The following DSCAML1 variants were observed in gnomAD, a reference collection of about 807,000 sequenced individuals.
DSCAML1 encodes the protein cell adhesion molecule DSCAML1.
In DSCAML1, 38 loss-of-function variants were observed where a neutral mutation model predicts 200.5. The ratio of observed to expected loss-of-function variants is 0.19; its 90% confidence interval spans 0.15 to 0.25. The LOEUF is 0.25. DSCAML1 is among the 10% of genes least tolerant of loss of function. The pLI is 1.00. For synonymous variants in DSCAML1, 1,215 were observed against 1,165.0 expected, an observed-to-expected ratio of 1.04 and a Z score of -0.87; for missense variants, 2,223 against 2,858.8, an observed-to-expected ratio of 0.78 and a Z score of 5.07.
At chr11:117,570,292 C>T (rs1206976228) in intron 3 of DSCAML1, among the ~76,000 whole-genome samples, 1 of 152,100 alleles carries the variant, frequency 6.6e-6, no homozygotes, top group African/African-American at 2.4e-5. Context: ...TTCCTCAATA[C>T]CTTTCCAAGG....
intron 32 of DSCAML1, among the ~76,000 whole-genome samples, chr11:117,429,158 A>C (rs1056169009): frequency 6.6e-6 from 1 of 152,142 alleles, no homozygotes; most frequent in Non-Finnish European, 1.5e-5. Flanking sequence ...CCGGTAGTGG[A>C]GAGCTCACTA....
At chr11:117,766,083 A>C (rs2054892492) in intron 3 of DSCAML1, among the ~76,000 whole-genome samples, 1 of 152,174 alleles carries the variant, frequency 6.6e-6, no homozygotes, top group African/African-American at 2.4e-5. Flanking sequence ...TTCGACAAAC[A>C]TTGCCTGGGT....
intron 3 of DSCAML1, among the ~76,000 whole-genome samples, chr11:117,549,036 C>G (rs1397142897): frequency 6.6e-6 from 1 of 152,194 alleles, no homozygotes; most frequent in Admixed American, 6.5e-5. Flanking sequence ...TTGCAGCCAT[C>G]TGGTGTCTGC....
intron 1 of DSCAML1, among the ~76,000 whole-genome samples, chr11:117,782,672 C>T (rs1195993077): frequency 6.6e-6 from 1 of 152,204 alleles, no homozygotes; most frequent in Non-Finnish European, 1.5e-5. Flanking sequence ...ATACACTTAG[C>T]AGGTCCCACT....
chr11:117,565,954 C>T (rs913573025), intron 3 of DSCAML1, among the ~76,000 whole-genome samples: 1 of 152,212 alleles, frequency 6.6e-6, no homozygotes, highest in African/African-American at 2.4e-5. Context: ...TGTCTCCCCC[C>T]TCCCTCACTG....
At chr11:117,452,546 C>T (rs990785184) in intron 19 of DSCAML1, among the ~76,000 whole-genome samples, 2 of 152,158 alleles carry the variant, frequency 1.3e-5, no homozygotes, top group African/African-American at 4.8e-5. Flanking sequence ...TTTTCACCTA[C>T]CATTCTGACA....
upstream of DSCAML1, among the ~76,000 whole-genome samples, chr11:117,798,981 G>A (rs561512843): frequency 5.3e-5 from 8 of 152,258 alleles, no homozygotes; most frequent in Admixed American, 3.9e-4. Flanking sequence ...GAACAGAGAC[G>A]GGGGGACAGA....
intron 11 of DSCAML1, among the ~76,000 whole-genome samples, chr11:117,486,362 A>C (rs1306013976): frequency 1.3e-5 from 2 of 149,684 alleles, no homozygotes; most frequent in East Asian, 3.9e-4. Flanking sequence ...GGCGGATGTG[A>C]AAGTGGCTGA....
chr11:117,482,924 C>T (rs1430662574), intron 11 of DSCAML1, among the ~76,000 whole-genome samples: 3 of 152,222 alleles, frequency 2.0e-5, no homozygotes, highest in Non-Finnish European at 4.4e-5. Flanking sequence ...TTATCTCCCT[C>T]CTGTTCCTTC....
intron 11 of DSCAML1, among the ~76,000 whole-genome samples, chr11:117,486,380 ATGGCGGATGTGAAAG>A (rs1427529700): frequency 2.5e-4 from 37 of 149,038 alleles, no homozygotes; most frequent in East Asian, 5.8e-4. Flanking sequence ...TGATGTGAAA[ATGGCGGATGTGAAAG>A]TGGCGGATGG....
intron 3 of DSCAML1, among the ~76,000 whole-genome samples, chr11:117,575,205 A>T (rs2050910799): frequency 6.6e-6 from 1 of 151,520 alleles, no homozygotes; most frequent in Admixed American, 6.6e-5. Flanking sequence ...AATAAAAAAC[A>T]GAACAGAAGT....
chr11:117,628,691 C>T (rs1013037428), intron 3 of DSCAML1, among the ~76,000 whole-genome samples: 5 of 152,106 alleles, frequency 3.3e-5, no homozygotes, highest in East Asian at 1.9e-4. Flanking sequence ...AGGGTATACC[C>T]GGGGCACAGT....
In DSCAML1 at chr11:117,682,879, G is replaced by A. The variant is rs570246492; in HGVS notation, c.511+93912C>T. 2.0e-5 allele frequency among the ~76,000 whole-genome samples: 3 copies of A among 152,284 alleles called. No homozygotes were observed. The East Asian group carries it at 5.8e-4, about 29-fold the overall frequency. On this transcript the variant is annotated intron_variant, in intron 3 of 32. Coordinates refer to ENST00000651296, the MANE Select transcript of DSCAML1 (RefSeq NM_020693.4). ...GTCTCCTGGCTCCCATTCTACTGAT[G>A]AGGAAACTGAGGCCCGAAGAGACCA...
At chr11:117,649,427 C>G (rs2052584915) in intron 3 of DSCAML1, among the ~76,000 whole-genome samples, 1 of 152,190 alleles carries the variant, frequency 6.6e-6, no homozygotes. Context: ...ATTGGTCTCT[C>G]CAGCCCTGAT....
rs141710584 is a variant in DSCAML1 at position 117,430,764 on chromosome 11, C to T, written c.5644G>A (p.Gly1882Ser). The change falls in exon 32 of 33, where the codon GGC becomes AGC. Residue 1882 changes from glycine to serine, a missense_variant. By Grantham distance (56) the Gly-to-Ser change is moderately conservative (BLOSUM62 0). Transcript: ENST00000651296. ...SPPKPQDADR[G>S]KNVAVPIPHR... ...GGGATGGGCACAGCCACGTTTTTGC[C>T]CCGGTCCGCATCCTGGGGCTTGGGT... is the stretch of plus-strand genomic sequence containing the variant. The T allele has an allele frequency of 1.6e-5, 26 of 1,613,790 alleles. No individual in the cohort carries two copies. Among genetic ancestry groups the T allele is most frequent in the Non-Finnish European group, 2.1e-5 (25 of 1,179,960 alleles).
At chr11:117,630,659 A>C (rs1011105168) in intron 3 of DSCAML1, among the ~76,000 whole-genome samples, 431 of 23,344 alleles carry the variant, frequency 0.018, 1 homozygote, top group African/African-American at 0.072. Context: ...TAAAGTGGCC[A>C]AAAAAAAAAA....
At chr11:117,579,228 T>G (rs1303763516) in intron 3 of DSCAML1, among the ~76,000 whole-genome samples, 1 of 152,194 alleles carries the variant, frequency 6.6e-6, no homozygotes, top group African/African-American at 2.4e-5. Context: ...CAAGTCCTCC[T>G]TTGAAAAGCA....
intron 1 of DSCAML1, among the ~76,000 whole-genome samples, chr11:117,803,023 C>G (rs1270343810): frequency 6.6e-6 from 1 of 151,498 alleles, no homozygotes; most frequent in Non-Finnish European, 1.5e-5. Context: ...CAGCTGCTAC[C>G]CTTTTCTGCT....
chr11:117,560,771 G>A (rs1000185775), intron 3 of DSCAML1, among the ~76,000 whole-genome samples: 1 of 152,174 alleles, frequency 6.6e-6, no homozygotes, highest in Non-Finnish European at 1.5e-5. Flanking sequence ...AGGGGCAATG[G>A]TTTTCATCCT....
Sources: gnomAD v4.1 joint callset for allele counts (sites outside exome capture counted in the v4.1 genomes callset) on GRCh38, gnomAD v4.1.1 for gene constraint, MANE v1.5 for transcripts, NCBI Gene and HGNC (gene_info 2026-07-23, HGNC 2026-07-21) for gene names.